Variants in GALNT9 observed in about 807,000 individuals in gnomAD.
GALNT9 encodes the protein polypeptide N-acetylgalactosaminyltransferase 9.
GALNT9 carries 47 observed loss-of-function variants against 63.1 expected under a neutral mutation model. The ratio of observed to expected loss-of-function variants is 0.75; its 90% CI spans 0.59 to 0.95. The LOEUF (loss-of-function observed/expected upper bound fraction) is 0.95. Ranked by LOEUF, GALNT9 falls within the 40% of genes least tolerant of loss-of-function variation. GALNT9 has a pLI of 0.00. For synonymous variants in GALNT9, 396 were observed against 365.7 expected (o/e 1.08, Z -0.94); for missense variants, 829 against 874.8 (o/e 0.95, Z 0.66).
intron 5 of GALNT9, among the ~76,000 whole-genome samples, chr12:132,257,200 C>G (rs1211702036): frequency 6.6e-6 from 1 of 152,226 alleles, no homozygotes; most frequent in Non-Finnish European, 1.5e-5. Flanking sequence ...CGATCCTTTT[C>G]CTGCTAATTG....
In GALNT9 at chr12:132,209,016, G is replaced by A. The variant is rs1876840136; in HGVS notation, c.1078-5326C>T. On this transcript the variant is annotated intron_variant, in intron 6 of 10. Coordinates refer to ENST00000328957, the MANE Select transcript of GALNT9 (RefSeq NM_001122636.2). ...CAGGTGTCCTGGTTTGGGTGACGAT[G>A]CCTGTGGTCACCCCCGTGCTACCTG... is the stretch of plus-strand genomic sequence containing the variant. 2.0e-5 allele frequency among the ~76,000 whole-genome samples: 3 copies of A among 152,354 alleles called. No homozygotes were observed. In the South Asian group the frequency reaches 6.2e-4, roughly 32 times the overall value.
chr12:132,198,933 G>A (rs996141962), intron 9 of GALNT9, among the ~76,000 whole-genome samples: 4 of 152,146 alleles, frequency 2.6e-5, no homozygotes, highest in African/African-American at 4.8e-5. Flanking sequence ...TGACAGGCGT[G>A]AGCCACTGCA....
chr12:132,199,256 T>C lies in GALNT9; in HGVS notation c.1415A>G (p.Lys472Arg). ...CTGGTCCAGACAGTAGGCACTGGCT[T>C]TGCTGTTTCTCACCTGCAAGCAGAA... Reference protein sequence around the residue: ...TLTYGEVRNSKASAYCLDQGA... With the variant: ...TLTYGEVRNSRASAYCLDQGA... Residue 472 changes from lysine (K) to arginine (R), a missense_variant, in exon 9 of 11, where the codon AAA becomes AGA. Physicochemically the swap from Lys to Arg is conservative, Grantham distance 26. Transcript: ENST00000328957. 4.4e-6 allele frequency: 7 copies of C among 1,603,944 alleles called. No homozygotes were observed. Among genetic ancestry groups the C allele is most frequent in the Non-Finnish European group, 5.1e-6 (6 of 1,178,798 alleles).
intron 2 of GALNT9, chr12:132,274,505 C>G (rs993383663): frequency 2.0e-5 from 3 of 152,356 alleles, no homozygotes; most frequent in Non-Finnish European, 2.9e-5. Context: ...GGCTGGGGCT[C>G]CTGGGGCAGG....
rs539105340 is a variant in GALNT9 at position 132,251,418 on chromosome 12, G to A, written c.960-3391C>T. 5.3e-4 allele frequency among the ~76,000 whole-genome samples: 81 copies of A among 152,312 alleles called. 1 individual carries two copies. In the South Asian group the frequency reaches 0.014, roughly 25 times the overall value. ...GTGCTCTGCGTCTTGGGGGGCTCCC[G>A]GCATCCGCTTTCCGGGGAGGGGAGC... On this transcript the variant is annotated intron_variant, in intron 5 of 10. Transcript: ENST00000328957.
At position 132,282,438 on chromosome 12, in the gene GALNT9, C is replaced by CGT. The variant is rs771000279; in HGVS notation, c.419+3810_419+3811dup. Among the ~76,000 whole-genome samples, 3 of 152,056 alleles carry CGT rather than the reference C, an allele frequency of 2.0e-5. No individual in the cohort carries two copies. The highest frequency in any genetic ancestry group is 4.4e-5 in the Non-Finnish European group (3 of 67,986). ...GTGTGTGTGCGTGTGTGCGTGCATG[C>CGT]GTGTGTGTGCGTGTGCATGTGTGTG... On this transcript the variant is annotated intron_variant, in intron 2 of 10. Coordinates refer to ENST00000328957, the MANE Select transcript of GALNT9 (RefSeq NM_001122636.2). The surrounding 1 kb of genome is among the most constrained non-coding windows in gnomAD (Gnocchi z 4.5).
chr12:132,218,291 T>C (rs1877300984), intron 6 of GALNT9, among the ~76,000 whole-genome samples: 1 of 151,950 alleles, frequency 6.6e-6, no homozygotes, highest in East Asian at 1.9e-4. Flanking sequence ...AGGAAAAGGG[T>C]TGGATGCACC....
rs1396806213 is a variant in GALNT9, at chr12:132,329,387, A to G, written c.-184T>C. ...GGGCCACGGCCGCCGGGGGTCCCCCAGAGCGCAGAGGGCTGCCCGGGGCTG... is the reference window on the plus strand; with the variant it reads ...GGGCCACGGCCGCCGGGGGTCCCCCGGAGCGCAGAGGGCTGCCCGGGGCTG... On this transcript the variant is annotated 5_prime_UTR_variant, in exon 1 of 11. Transcript: ENST00000328957. The G allele has an allele frequency of 1.2e-6, 1 of 868,570 alleles. No homozygotes were observed. The highest frequency in any genetic ancestry group is 3.5e-5 in the East Asian group (1 of 28,378). 53.8% of individuals were successfully genotyped at this position (868,570 alleles called of 1,614,324 possible).
chr12:132,308,396 G>A (rs1371790013), intron 1 of GALNT9, among the ~76,000 whole-genome samples: 1 of 152,216 alleles, frequency 6.6e-6, no homozygotes, highest in African/African-American at 2.4e-5. Flanking sequence ...AGCAGACCCC[G>A]AAACACCCTG....
At chr12:132,298,386 A>G (rs2135572342) in intron 1 of GALNT9, among the ~76,000 whole-genome samples, 1 of 151,666 alleles carries the variant, frequency 6.6e-6, no homozygotes, top group Non-Finnish European at 1.5e-5. Context: ...TGCTCCCACC[A>G]TACCTAATCC....
chr12:132,277,598 T>G (rs1358701299), intron 2 of GALNT9: 1 of 152,310 alleles, frequency 6.6e-6, no homozygotes, highest in East Asian at 1.9e-4. Flanking sequence ...ACTCCCGGCG[T>G]GAAGCGTGTG....
At position 132,318,260 on chromosome 12, in the gene GALNT9, G is replaced by C. The variant is rs1555245858; in HGVS notation, c.238+10706C>G. On this transcript the variant is annotated intron_variant, in intron 1 of 10. Coordinates refer to ENST00000328957, the MANE Select transcript of GALNT9 (RefSeq NM_001122636.2). The stretch of plus-strand genomic sequence containing the variant: ...GCCTGAGCACAGCCCCTCTGGCCAG[G>C]CAAGCGTGGGCGGCAGGACGCTGAC... 2.0e-5 allele frequency among the ~76,000 whole-genome samples: 3 copies of C among 152,262 alleles called. No individual in the cohort carries two copies. The East Asian group carries it at 5.8e-4, about 29-fold the overall frequency.
chr12:132,218,407 A>G (rs1218020227), intron 6 of GALNT9, among the ~76,000 whole-genome samples: 1 of 152,248 alleles, frequency 6.6e-6, no homozygotes, highest in Non-Finnish European at 1.5e-5. Context: ...CCTTTGGCAG[A>G]ACGGAATTTC....
intron 1 of GALNT9, among the ~76,000 whole-genome samples, chr12:132,328,008 G>T (rs1014759007): frequency 2.6e-5 from 4 of 152,214 alleles, no homozygotes; most frequent in African/African-American, 9.6e-5. Context: ...GTTTGCTGGG[G>T]CTGCCAAGGC....
chr12:132,197,759 C>T (rs1218637828), intron 10 of GALNT9, 33 bp downstream of exon 10: 2 of 1,403,276 alleles, frequency 1.4e-6, no homozygotes, highest in Non-Finnish European at 2.0e-6. Context: ...TGCCCCGCCC[C>T]AACCCCACGG....
At chr12:132,307,317 C>A (rs1453088975) in intron 1 of GALNT9, among the ~76,000 whole-genome samples, 1 of 152,166 alleles carries the variant, frequency 6.6e-6, no homozygotes, top group Non-Finnish European at 1.5e-5. Flanking sequence ...ATTAAGTTAA[C>A]AAATACGCAC....
chr12:132,277,535 C>T (rs1555241298), intron 2 of GALNT9: 1 of 153,748 alleles, frequency 6.5e-6, no homozygotes, highest in African/African-American at 2.4e-5. Flanking sequence ...AGCTGGAGCG[C>T]TGGGACTGGC....
At chr12:132,259,752 T>C (rs1213482363) in intron 4 of GALNT9, among the ~76,000 whole-genome samples, 3 of 152,216 alleles carry the variant, frequency 2.0e-5, no homozygotes, top group East Asian at 3.8e-4. Flanking sequence ...AGCCTCCGTG[T>C]AACACTGAGA....
chr12:132,226,524 C>T, intron 6 of GALNT9, among the ~76,000 whole-genome samples: 1 of 149,214 alleles, frequency 6.7e-6, no homozygotes, highest in East Asian at 2.0e-4. Flanking sequence ...ACACACCCCA[C>T]ACACATACAC....
Sources: gnomAD v4.1 joint callset for allele counts (sites outside exome capture counted in the v4.1 genomes callset) on GRCh38, gnomAD v4.1.1 for gene constraint, Gnocchi (gnomAD v3.1) non-coding constraint, MANE v1.5 for transcripts, NCBI Gene and HGNC (gene_info 2026-07-23, HGNC 2026-07-21) for gene names.